Variants in GRK4 observed in about 807,000 individuals in gnomAD.
The protein encoded by GRK4 is G protein-coupled receptor kinase 2-like.
In GRK4, 73 loss-of-function variants were observed where a neutral mutation model predicts 77.9. The ratio of observed to expected loss-of-function variants is 0.94; its 90% CI spans 0.78 to 1.14. The LOEUF is 1.14. Ranked by LOEUF, GRK4 falls within the 50% of genes most tolerant of loss-of-function variation. The pLI is 0.00. For synonymous variants in GRK4, 257 were observed against 254.4 expected (o/e 1.01, Z -0.10); for missense variants, 729 against 700.2 (o/e 1.04, Z -0.46).
In GRK4 at chr4:2,970,477, G is replaced by C. The variant is rs34715939; in HGVS notation, c.52+6355G>C. Among the ~76,000 whole-genome samples, 4 of 151,974 alleles carry C rather than the reference G, an allele frequency of 2.6e-5. No individual in the cohort carries two copies. In the South Asian group the frequency reaches 8.3e-4, roughly 32 times the overall value. On this transcript the variant is annotated intron_variant, in intron 1 of 15. Transcript: ENST00000398052. ...TATCGAGACAATCCTGGCCAACATG[G>C]TGAAACCCCGTCTCTACTAAAAATA...
chr4:3,032,049 AC>A (rs1739322993), intron 12 of GRK4, among the ~76,000 whole-genome samples: 1 of 152,116 alleles, frequency 6.6e-6, no homozygotes, highest in African/African-American at 2.4e-5. Flanking sequence ...CTTAGAGCTG[AC>A]TGTTAAATAA....
chr4:3,032,831 G>A (rs1739535772), intron 12 of GRK4, among the ~76,000 whole-genome samples: 1 of 152,188 alleles, frequency 6.6e-6, no homozygotes, highest in African/African-American at 2.4e-5. Context: ...TTAAAGAATG[G>A]GTTCTATGGG....
chr4:2,967,805 G>A (rs572099018), intron 1 of GRK4, among the ~76,000 whole-genome samples: 10 of 151,270 alleles, frequency 6.6e-5, no homozygotes, highest in Non-Finnish European at 1.2e-4. Flanking sequence ...TTTTTTTGAG[G>A]CGTCGTTTTG....
chr4:2,992,887 G>T (rs951572066), intron 4 of GRK4, among the ~76,000 whole-genome samples: 2 of 152,116 alleles, frequency 1.3e-5, no homozygotes, highest in African/African-American at 4.8e-5. Context: ...GGGAGGCTCA[G>T]GTGGGAGGAC....
chr4:3,027,570 G>T (rs1560488649), intron 10 of GRK4, among the ~76,000 whole-genome samples: 1 of 152,130 alleles, frequency 6.6e-6, no homozygotes, highest in Non-Finnish European at 1.5e-5. Flanking sequence ...TTCTGTAGTT[G>T]ATATAATATT....
At chr4:2,981,639 G>A (rs1267371341) in intron 1 of GRK4, among the ~76,000 whole-genome samples, 1 of 152,232 alleles carries the variant, frequency 6.6e-6, no homozygotes, top group African/African-American at 2.4e-5. Flanking sequence ...AGCTTCAGAG[G>A]GGAGGAAGTA....
At chr4:2,977,277 C>T (rs1198389052) in intron 1 of GRK4, among the ~76,000 whole-genome samples, 3 of 152,170 alleles carry the variant, frequency 2.0e-5, no homozygotes, top group Admixed American at 2.0e-4. Flanking sequence ...TGCTGTTTGA[C>T]CTGTTTGCTA....
intron 1 of GRK4, among the ~76,000 whole-genome samples, chr4:2,978,643 G>A (rs756589436): frequency 2.0e-5 from 3 of 152,130 alleles, no homozygotes; most frequent in Non-Finnish European, 2.9e-5. Context: ...CTCAATTGCT[G>A]CCGTCCTAAA....
intron 4 of GRK4, among the ~76,000 whole-genome samples, chr4:2,994,998 C>G (rs983237852): frequency 1.3e-5 from 2 of 152,154 alleles, no homozygotes; most frequent in East Asian, 1.9e-4. Context: ...GTGTCCTCAT[C>G]ATTTAGCTCC....
chr4:2,973,777 G>A (rs1026785689), intron 1 of GRK4, among the ~76,000 whole-genome samples: 2 of 152,112 alleles, frequency 1.3e-5, no homozygotes, highest in African/African-American at 4.8e-5. Flanking sequence ...CAGCCAGAGT[G>A]GTCCTATTAA....
chr4:3,017,237 CT>C (rs1264297622), intron 8 of GRK4, among the ~76,000 whole-genome samples: 1 of 152,230 alleles, frequency 6.6e-6, no homozygotes, highest in Non-Finnish European at 1.5e-5. Context: ...CACATCAGGC[CT>C]GGGGTCTGAC....
intron 4 of GRK4, among the ~76,000 whole-genome samples, chr4:2,994,873 A>G (rs1212764494): frequency 3.9e-5 from 6 of 152,268 alleles, no homozygotes; most frequent in African/African-American, 1.4e-4. Context: ...AGATTATTTC[A>G]TCACCCAGGT....
At chr4:3,024,569 A>G (rs61414862) in intron 10 of GRK4, among the ~76,000 whole-genome samples, 1,792 of 152,268 alleles carry the variant, frequency 0.012, 34 homozygotes, top group African/African-American at 0.041. Flanking sequence ...GCTAATTTTA[A>G]AAAATTGTAG....
chr4:2,980,616 C>T lies in GRK4; in HGVS notation c.53-3897C>T, dbSNP rs551654544. Among the ~76,000 whole-genome samples, 7 of 152,178 alleles carry T rather than the reference C, an allele frequency of 4.6e-5. No individual in the cohort carries two copies. In the East Asian group the frequency reaches 1.2e-3, roughly 25 times the overall value. On this transcript the variant is annotated intron_variant, in intron 1 of 15. Transcript: ENST00000398052. The stretch of plus-strand genomic sequence containing the variant: ...GGCCCATCTGTGAGGAGCAGAACAG[C>T]TCACCTCTTGCCTGACAGGCTAGTC...
chr4:2,965,881 T>C (rs1717499604), intron 1 of GRK4: 1 of 202,144 alleles, frequency 4.9e-6, no homozygotes, highest in Non-Finnish European at 1.0e-5. Context: ...GACTGTGAAC[T>C]CCAAATAGGT....
At chr4:3,003,130 T>C (rs1201494069) in intron 4 of GRK4, among the ~76,000 whole-genome samples, 2 of 152,202 alleles carry the variant, frequency 1.3e-5, no homozygotes, top group African/African-American at 2.4e-5. Context: ...CTCTATGAAT[T>C]TGACTACTCT....
chr4:3,009,627 C>G (rs1210379044), intron 6 of GRK4, 21 bp from the exon 7 acceptor site: 1 of 1,601,660 alleles, frequency 6.2e-7, no homozygotes, highest in Non-Finnish European at 8.6e-7. Context: ...AGACCTGAAA[C>G]TTGTTTTTCT....
chr4:3,025,843 C>T (rs1444544511), intron 10 of GRK4, among the ~76,000 whole-genome samples: 6 of 152,188 alleles, frequency 3.9e-5, no homozygotes, highest in African/African-American at 1.4e-4. Context: ...CCTTCATTTA[C>T]ATACTATATA....
chr4:3,004,260 A>G lies in GRK4; in HGVS notation c.369A>G (p.Pro123=). The G allele has an allele frequency of 6.2e-7, 1 of 1,613,838 alleles. No homozygotes were observed. The highest frequency in any genetic ancestry group is 8.5e-7 in the Non-Finnish European group (1 of 1,179,710). ...KLAAPLPEIP[P]DVVTECRLGL... ...CAGCCCCTTTACCAGAAATACCTCCAGATGTTGTGACAGAATGTAGATTGG... is the reference window on the plus strand; with the variant it reads ...CAGCCCCTTTACCAGAAATACCTCCGGATGTTGTGACAGAATGTAGATTGG... Residue 123 remains proline, a synonymous_variant, in exon 5 of 16, where the codon CCA becomes CCG. Coordinates refer to ENST00000398052, the MANE Select transcript of GRK4 (RefSeq NM_182982.3).
Sources: allele counts gnomAD v4.1 joint callset (sites outside exome capture counted in the v4.1 genomes callset), GRCh38; gene constraint gnomAD v4.1.1; transcripts MANE v1.5; gene names NCBI Gene and HGNC (gene_info 2026-07-23, HGNC 2026-07-21).